EIF2B3: variants seen among roughly 807,000 people sequenced by gnomAD.
EIF2B3 encodes the protein eukaryotic translation initiation factor 2B subunit gamma, also known as translation initiation factor eIF2B subunit gamma.
A neutral mutation model predicts 54.1 loss-of-function variants in EIF2B3; 20 were observed. The observed-to-expected ratio is 0.37, with a 90% CI of 0.26 to 0.54. The LOEUF is 0.54. Ranked by LOEUF, EIF2B3 falls within the 20% of genes least tolerant of loss-of-function variation. EIF2B3 has a pLI of 0.86. For missense variants in EIF2B3, 448 were observed against 547.8 expected (o/e 0.82, Z 1.82); for synonymous variants, 153 against 188.1 (o/e 0.81, Z 1.52).
intron 5 of EIF2B3, among the ~76,000 whole-genome samples, chr1:44,918,234 C>G (rs1295714911): frequency 6.6e-6 from 1 of 151,732 alleles, no homozygotes; most frequent in Non-Finnish European, 1.5e-5. Context: ...CATGCATCCA[C>G]CACCACGCTC....
chr1:44,896,376 G>C (rs1032059783), intron 6 of EIF2B3, among the ~76,000 whole-genome samples: 2 of 152,156 alleles, frequency 1.3e-5, no homozygotes, highest in East Asian at 1.9e-4. Context: ...AGTGTTGTGG[G>C]GGGGTGACAG....
chr1:44,946,758 T>C (rs1003428447), intron 3 of EIF2B3, among the ~76,000 whole-genome samples: 2 of 151,988 alleles, frequency 1.3e-5, no homozygotes, highest in African/African-American at 4.8e-5. Flanking sequence ...CCACTGAGCC[T>C]GGCCTGATTT....
intron 10 of EIF2B3, among the ~76,000 whole-genome samples, chr1:44,871,500 G>T (rs1654964305): frequency 6.6e-6 from 1 of 152,178 alleles, no homozygotes; most frequent in Non-Finnish European, 1.5e-5. Flanking sequence ...TTGTCCATCT[G>T]CATGTATAGC....
chr1:44,895,083 T>C (rs1267011783), intron 6 of EIF2B3, among the ~76,000 whole-genome samples: 1 of 152,178 alleles, frequency 6.6e-6, no homozygotes, highest in Non-Finnish European at 1.5e-5. Context: ...TGCTCTTTGA[T>C]TGTAGCGACT....
intron 5 of EIF2B3, chr1:44,925,085 T>C (rs1643825734): frequency 1.3e-5 from 2 of 152,154 alleles, no homozygotes; most frequent in Non-Finnish European, 2.9e-5. Flanking sequence ...GTTGGTGGGA[T>C]TGTAAAATAG....
intron 11 of EIF2B3, among the ~76,000 whole-genome samples, chr1:44,857,108 T>C (rs1276866194): frequency 6.6e-6 from 1 of 152,212 alleles, no homozygotes; most frequent in Non-Finnish European, 1.5e-5. Context: ...TGTACAGTAT[T>C]GGTGCCAACC....
chr1:44,873,305 T>C (rs567776344), intron 10 of EIF2B3, among the ~76,000 whole-genome samples: 1 of 152,338 alleles, frequency 6.6e-6, no homozygotes, highest in South Asian at 2.1e-4. Flanking sequence ...TTTTAATTCT[T>C]TCTGCTGAGT....
chr1:44,929,905 T>C (rs1464269987), intron 4 of EIF2B3, among the ~76,000 whole-genome samples: 2 of 152,228 alleles, frequency 1.3e-5, no homozygotes, highest in Admixed American at 6.5e-5. Context: ...ATACAAATTA[T>C]AGAAACTTGG....
intron 5 of EIF2B3, among the ~76,000 whole-genome samples, chr1:44,918,391 T>C (rs1465084629): frequency 6.7e-6 from 1 of 149,692 alleles, no homozygotes; most frequent in South Asian, 2.1e-4. Flanking sequence ...AATAGCATAG[T>C]AGCTTTTTTT....
At chr1:44,908,324 T>C (rs1643453033) in intron 5 of EIF2B3, among the ~76,000 whole-genome samples, 1 of 152,176 alleles carries the variant, frequency 6.6e-6, no homozygotes, top group African/African-American at 2.4e-5. Flanking sequence ...CACAGAACTT[T>C]CTTCAGTATA....
chr1:44,859,138 A>AAAAAAT (rs1654531977), intron 10 of EIF2B3, among the ~76,000 whole-genome samples: 2 of 144,498 alleles, frequency 1.4e-5, no homozygotes, highest in African/African-American at 5.9e-5. Context: ...TTATCTCTAC[A>AAAAAAT]CAAAATAAAA....
intron 4 of EIF2B3, among the ~76,000 whole-genome samples, chr1:44,927,372 A>G (rs1643864494): frequency 6.6e-6 from 1 of 152,112 alleles, no homozygotes; most frequent in African/African-American, 2.4e-5. Flanking sequence ...GTCACATGGC[A>G]AGAGAGGGAA....
chr1:44,977,468 CTT>C (rs202094716), intron 3 of EIF2B3, among the ~76,000 whole-genome samples: 6 of 145,374 alleles, frequency 4.1e-5, no homozygotes, highest in African/African-American at 2.5e-5. Context: ...TAGAGTATAT[CTT>C]TTTTTTTTTT....
intron 3 of EIF2B3, among the ~76,000 whole-genome samples, chr1:44,969,097 G>A (rs1644374021): frequency 6.6e-6 from 1 of 152,138 alleles, no homozygotes; most frequent in East Asian, 1.9e-4. Flanking sequence ...CGTGTGCAGT[G>A]ATCATCAACG....
chr1:44,915,594 G>T (rs1643605693), intron 5 of EIF2B3, among the ~76,000 whole-genome samples: 1 of 151,990 alleles, frequency 6.6e-6, no homozygotes, highest in African/African-American at 2.4e-5. Context: ...GAAATCCTGG[G>T]CTAAAGTGAT....
chr1:44,856,341 C>G (rs1435617167), intron 11 of EIF2B3, among the ~76,000 whole-genome samples: 3 of 151,446 alleles, frequency 2.0e-5, no homozygotes, highest in Non-Finnish European at 4.4e-5. Flanking sequence ...ATTGCAAAAC[C>G]CTGTCTCTAC....
chr1:44,890,725 C>T (rs912729784), intron 6 of EIF2B3, among the ~76,000 whole-genome samples: 3 of 152,218 alleles, frequency 2.0e-5, no homozygotes, highest in East Asian at 1.9e-4. Context: ...CCCAAGACCA[C>T]GACTCTGTCT....
Position 44,949,825 on chromosome 1 carries a change from G to A in EIF2B3, c.295-8160C>T, listed in dbSNP as rs145570715. ...GTTCTAATATTCATAATTCATTCAC[G>A]TCCTCCAAGGAAATTTTCCTCTTCA... On this transcript the variant is annotated intron_variant, in intron 3 of 11. Transcript: ENST00000360403. Among the ~76,000 whole-genome samples, 29 of 152,276 alleles carry A rather than the reference G, an allele frequency of 1.9e-4. No individual in the cohort carries two copies. In the Middle Eastern group the frequency reaches 0.01, roughly 54 times the overall value.
chr1:44,931,596 G>A (rs1643897153), intron 4 of EIF2B3, among the ~76,000 whole-genome samples: 1 of 152,284 alleles, frequency 6.6e-6, no homozygotes, highest in Non-Finnish European at 1.5e-5. Flanking sequence ...TAGAGTTTAC[G>A]AACATTTGTT....
Sources: gnomAD v4.1 joint callset for allele counts (sites outside exome capture counted in the v4.1 genomes callset) on GRCh38, gnomAD v4.1.1 for gene constraint, MANE v1.5 for transcripts, NCBI Gene and HGNC (gene_info 2026-07-23, HGNC 2026-07-21) for gene names.